PRKX: variants seen among roughly 807,000 people sequenced by gnomAD.
The protein encoded by PRKX is cAMP-dependent protein kinase catalytic subunit PRKX.
PRKX carries 12 observed loss-of-function variants against 22.0 expected under a neutral mutation model. The ratio of observed to expected loss-of-function variants is 0.54; its 90% CI spans 0.35 to 0.88. The LOEUF (loss-of-function observed/expected upper bound fraction) is 0.88. Ranked by LOEUF, PRKX falls within the 40% of genes least tolerant of loss-of-function variation. The pLI is 0.01. For missense variants in PRKX, 217 were observed against 308.0 expected (o/e 0.70, Z 2.21); for synonymous variants, 134 against 137.7 (o/e 0.97, Z 0.19).
At chrX:3,641,747 C>T (rs1344521109) in intron 4 of PRKX, 105 bp downstream of exon 4, 1 of 308,182 alleles carries the variant, frequency 3.2e-6, no homozygotes, top group South Asian at 5.4e-5. Context: ...GTTTGCGACA[C>T]TCACGTACTG....
At chrX:3,631,092 GA>G (rs941292548) in intron 4 of PRKX, among the ~76,000 whole-genome samples, 2 of 112,080 alleles carry the variant, frequency 1.8e-5, no homozygotes, top group African/African-American at 6.5e-5. Flanking sequence ...GCTTTCAAAT[GA>G]CACCCTCATT....
intron 1 of PRKX, among the ~76,000 whole-genome samples, chrX:3,711,440 G>C (rs1192409124): frequency 8.9e-6 from 1 of 111,735 alleles, no homozygotes; most frequent in Non-Finnish European, 1.9e-5. Context: ...GGCCCCCTGT[G>C]ACACCAGAAC....
chrX:3,700,720 A>T (rs1161383775), intron 1 of PRKX, among the ~76,000 whole-genome samples: 1 of 107,771 alleles, frequency 9.3e-6, no homozygotes, highest in Admixed American at 9.9e-5. Flanking sequence ...CTGGGACTAC[A>T]GGCACGTGCC....
At position 3,693,438 on chromosome X, in the gene PRKX, G is replaced by T. The variant is rs749390142; in HGVS notation, c.167-18672C>A. On this transcript the variant is annotated intron_variant, in intron 1 of 8. Transcript: ENST00000262848. ...CACAGCTTAGGGTTTGGGCATCTAC[G>T]CAGTGAGTGCTGCCGACTTAGGCAA... 9.0e-5 allele frequency among the ~76,000 whole-genome samples: 10 copies of T among 111,405 alleles called. No homozygotes were observed. In the South Asian group the frequency reaches 2.3e-3, roughly 26 times the overall value.
chrX:3,678,456 A>T (rs2146597165), intron 1 of PRKX, among the ~76,000 whole-genome samples: 1 of 112,041 alleles, frequency 8.9e-6, no homozygotes, highest in South Asian at 3.7e-4. Context: ...CTCCATGCCT[A>T]CTTTAAGAAC....
chrX:3,658,349 G>C (rs1191964455), intron 2 of PRKX, among the ~76,000 whole-genome samples: 2 of 111,028 alleles, frequency 1.8e-5, no homozygotes, highest in Non-Finnish European at 3.8e-5. Context: ...AGTGGTGCAG[G>C]TAAGGCTCAT....
chrX:3,688,705 A>C (rs34885300), intron 1 of PRKX, among the ~76,000 whole-genome samples: 2 of 109,568 alleles, frequency 1.8e-5, no homozygotes, highest in Admixed American at 9.8e-5. Flanking sequence ...TATAAAAAAA[A>C]AAAATTTTTT....
chrX:3,686,371 C>T (rs1928177971), intron 1 of PRKX, among the ~76,000 whole-genome samples: 1 of 109,175 alleles, frequency 9.2e-6, no homozygotes, highest in African/African-American at 3.4e-5. Context: ...GAAACAATGT[C>T]TCTACTTACG....
At chrX:3,658,354 G>T (rs1418804343) in intron 2 of PRKX, among the ~76,000 whole-genome samples, 1 of 111,016 alleles carries the variant, frequency 9.0e-6, no homozygotes, top group South Asian at 3.8e-4. Context: ...TGCAGGTAAG[G>T]CTCATGCAGC....
At chrX:3,669,340 ATCCAT>A (rs1927802129) in intron 2 of PRKX, among the ~76,000 whole-genome samples, 1 of 111,180 alleles carries the variant, frequency 9.0e-6, no homozygotes, top group African/African-American at 3.3e-5. Flanking sequence ...CCATCCATCC[ATCCAT>A]CCATCCATCC....
At chrX:3,643,527 G>A (rs1306885157) in intron 3 of PRKX, among the ~76,000 whole-genome samples, 2 of 110,844 alleles carry the variant, frequency 1.8e-5, no homozygotes, top group Non-Finnish European at 3.8e-5. Flanking sequence ...GTAGAATGTC[G>A]CTTCGGGCTT....
chrX:3,667,884 C>T (rs1927768205), intron 2 of PRKX: 1 of 110,757 alleles, frequency 9.0e-6, no homozygotes, highest in Non-Finnish European at 1.9e-5. Flanking sequence ...TTCCACCACC[C>T]ACCCCTTTCA....
At chrX:3,701,619 A>T (rs1402041722) in intron 1 of PRKX, among the ~76,000 whole-genome samples, 5 of 112,382 alleles carry the variant, frequency 4.4e-5, no homozygotes, top group South Asian at 3.7e-4. Context: ...CTTGAAGAGG[A>T]GCTGGGTAAA....
chrX:3,682,689 G>A (rs984961046), intron 1 of PRKX, among the ~76,000 whole-genome samples: 3 of 111,135 alleles, frequency 2.7e-5, no homozygotes, highest in Admixed American at 9.6e-5. Flanking sequence ...ACAAGCCCAG[G>A]GACACTTGGA....
intron 5 of PRKX, 87 bp from the exon 6 acceptor site, chrX:3,621,403 T>C (rs1926554991): frequency 1.2e-6 from 1 of 843,365 alleles, no homozygotes; most frequent in African/African-American, 2.0e-5. Flanking sequence ...AGAGATAAGA[T>C]CTATCTGACA....
intron 1 of PRKX, among the ~76,000 whole-genome samples, chrX:3,686,565 T>TC (rs1186855201): frequency 1.8e-5 from 2 of 108,131 alleles, no homozygotes. Context: ...TTTAAATCTT[T>TC]TTTTTTTTTT....
rs57960952 is a variant in PRKX at position 3,608,578 on chromosome X, TACACACACACACACACACACACACAC to T, written c.*365_*390del. 2.1e-5 allele frequency: 2 copies of T among 94,528 alleles called. No homozygotes were observed. The highest frequency in any genetic ancestry group is 3.8e-5 in the African/African-American group (1 of 26,491). 7.8% of individuals were successfully genotyped at this position (94,528 alleles called of 1,213,427 possible). A position where few individuals can be genotyped will look rare whatever the true frequency, so the allele number is the denominator to read the frequency against. ...TGACTTCTATATATACACACAGGCA[TACACACACACACACACACACACACAC>T]ACACACACACACACACACAATTTGT... On this transcript the variant is annotated 3_prime_UTR_variant, in exon 9 of 9. Transcript: ENST00000262848.
At chrX:3,710,003 G>T (rs1231354244) in intron 1 of PRKX, among the ~76,000 whole-genome samples, 2 of 108,456 alleles carry the variant, frequency 1.8e-5, no homozygotes, top group Non-Finnish European at 3.8e-5. Flanking sequence ...GCCCAGGCTG[G>T]TCTGGAACTC....
intron 1 of PRKX, among the ~76,000 whole-genome samples, chrX:3,675,542 C>T (rs1456167283): frequency 9.1e-6 from 1 of 109,933 alleles, no homozygotes; most frequent in Non-Finnish European, 1.9e-5. Flanking sequence ...TTTTCTTTTC[C>T]ACTTCTTCCT....
Sources: gnomAD v4.1 joint callset for allele counts (sites outside exome capture counted in the v4.1 genomes callset) on GRCh38, gnomAD v4.1.1 for gene constraint, MANE v1.5 for transcripts, NCBI Gene and HGNC (gene_info 2026-07-23, HGNC 2026-07-21) for gene names.